GRIA4: variants seen among roughly 807,000 people sequenced by gnomAD.
GRIA4 encodes glutamate receptor 4.
Under a neutral mutation model 104.0 loss-of-function variants are expected in GRIA4, and 34 were observed. That is an observed-to-expected ratio of 0.33 (90% CI 0.25 to 0.44). The LOEUF (loss-of-function observed/expected upper bound fraction) is 0.44, where lower values mean the gene tolerates loss of function less well. Among genes scored for constraint, GRIA4 ranks in the 20% least tolerant of loss-of-function variants. GRIA4 has a pLI of 1.00. For synonymous variants in GRIA4, 386 were observed against 381.9 expected, an observed-to-expected ratio of 1.01 and a Z score of -0.13; for missense variants, 750 against 1,096.5, an observed-to-expected ratio of 0.68 and a Z score of 4.46.
At chr11:105,844,610 T>G (rs1484615969) in intron 4 of GRIA4, among the ~76,000 whole-genome samples, 1 of 152,238 alleles carries the variant, frequency 6.6e-6, no homozygotes, top group Non-Finnish European at 1.5e-5. Flanking sequence ...CTTTGTACAT[T>G]TTTAGGACTT....
intron 4 of GRIA4, among the ~76,000 whole-genome samples, chr11:105,835,365 A>T (rs1944137823): frequency 6.6e-6 from 1 of 152,022 alleles, no homozygotes; most frequent in Admixed American, 6.6e-5. Flanking sequence ...ACAAAGGTCG[A>T]AATCTGTGAA....
At chr11:105,786,913 G>A (rs1168469920) in intron 4 of GRIA4, among the ~76,000 whole-genome samples, 1 of 152,182 alleles carries the variant, frequency 6.6e-6, no homozygotes, top group Non-Finnish European at 1.5e-5. Context: ...CTCCTTCAGT[G>A]AGGAGGTAAA....
At chr11:105,759,106 T>C (rs1283591903) in intron 4 of GRIA4, among the ~76,000 whole-genome samples, 1 of 152,160 alleles carries the variant, frequency 6.6e-6, no homozygotes, top group African/African-American at 2.4e-5. Flanking sequence ...CTTTGTGTTT[T>C]ATATAAAGTA....
intron 14 of GRIA4, among the ~76,000 whole-genome samples, chr11:105,955,538 G>A (rs1480998796): frequency 1.3e-5 from 2 of 152,066 alleles, no homozygotes; most frequent in Non-Finnish European, 2.9e-5. Context: ...GGGCATATTG[G>A]TCGGTTCCAT....
At chr11:105,759,513 A>G (rs1397493420) in intron 4 of GRIA4, among the ~76,000 whole-genome samples, 1 of 152,166 alleles carries the variant, frequency 6.6e-6, no homozygotes, top group Non-Finnish European at 1.5e-5. Context: ...GAATGATTTC[A>G]TGACTTCTCA....
At chr11:105,806,657 T>C (rs546472565) in intron 4 of GRIA4, among the ~76,000 whole-genome samples, 1 of 151,850 alleles carries the variant, frequency 6.6e-6, no homozygotes, top group African/African-American at 2.4e-5. Flanking sequence ...TGAAATTTTG[T>C]ATATTGAATG....
At chr11:105,713,753 G>A (rs1376572991) in intron 3 of GRIA4, among the ~76,000 whole-genome samples, 6 of 152,250 alleles carry the variant, frequency 3.9e-5, no homozygotes, top group African/African-American at 1.4e-4. Flanking sequence ...CTAATTAACA[G>A]CACAAATATT....
At chr11:105,874,274 A>G (rs1326344946) in intron 5 of GRIA4, among the ~76,000 whole-genome samples, 1 of 152,142 alleles carries the variant, frequency 6.6e-6, no homozygotes, top group Non-Finnish European at 1.5e-5. Context: ...CCATTGGTCT[A>G]TATATCTGTT....
intron 5 of GRIA4, among the ~76,000 whole-genome samples, chr11:105,885,314 C>T (rs1946215684): frequency 6.6e-6 from 1 of 152,172 alleles, no homozygotes; most frequent in Non-Finnish European, 1.5e-5. Context: ...ATAAACCGAG[C>T]TTTCTCCACA....
chr11:105,970,678 T>G (rs567240220), intron 14 of GRIA4, among the ~76,000 whole-genome samples: 1 of 152,206 alleles, frequency 6.6e-6, no homozygotes, highest in South Asian at 2.1e-4. Context: ...ATGCATGTCT[T>G]GTAACTCCAG....
At chr11:105,711,900 C>T (rs904011795) in intron 3 of GRIA4, among the ~76,000 whole-genome samples, 3 of 151,990 alleles carry the variant, frequency 2.0e-5, no homozygotes, top group African/African-American at 4.8e-5. Context: ...CCTCTTTCAC[C>T]CTCTGGAAAT....
At chr11:105,902,794 G>C (rs1946906273) in intron 7 of GRIA4, among the ~76,000 whole-genome samples, 1 of 152,130 alleles carries the variant, frequency 6.6e-6, no homozygotes, top group Non-Finnish European at 1.5e-5. Context: ...AATTTCTAAA[G>C]GAGATAATGT....
At chr11:105,796,784 C>T (rs183053806) in intron 4 of GRIA4, among the ~76,000 whole-genome samples, 58 of 152,270 alleles carry the variant, frequency 3.8e-4, no homozygotes, top group Middle Eastern at 3.4e-3. Flanking sequence ...GAGCTACTGA[C>T]ACTTTTCTAA....
intron 3 of GRIA4, among the ~76,000 whole-genome samples, chr11:105,741,233 T>C (rs1052223230): frequency 2.0e-4 from 30 of 151,960 alleles, no homozygotes; most frequent in African/African-American, 6.3e-4. Flanking sequence ...TGGCAGAAAA[T>C]AGAGAAAAGG....
intron 3 of GRIA4, among the ~76,000 whole-genome samples, chr11:105,723,283 A>G (rs1937958290): frequency 6.6e-6 from 1 of 152,136 alleles, no homozygotes; most frequent in Admixed American, 6.6e-5. Context: ...ACATTATTTT[A>G]TTTAAAATGG....
At chr11:105,634,262 AC>A (rs1951117956) in intron 3 of GRIA4, among the ~76,000 whole-genome samples, 1 of 150,916 alleles carries the variant, frequency 6.6e-6, no homozygotes. Context: ...CAGGAGAATC[AC>A]TTGAACCTGG....
At chr11:105,816,312 C>T (rs1470945549) in intron 4 of GRIA4, among the ~76,000 whole-genome samples, 1 of 152,080 alleles carries the variant, frequency 6.6e-6, no homozygotes, top group Non-Finnish European at 1.5e-5. Context: ...GGAGGTAGGG[C>T]CTAGTGGGAG....
intron 4 of GRIA4, among the ~76,000 whole-genome samples, chr11:105,842,404 CA>C (rs1224653996): frequency 6.6e-6 from 1 of 151,806 alleles, no homozygotes; most frequent in Non-Finnish European, 1.5e-5. Flanking sequence ...GATCTCGGGC[CA>C]AAACAAGAAG....
At position 105,926,833 on chromosome 11, in the gene GRIA4, C is replaced by T. The variant is rs1439286427; in HGVS notation, c.1940C>T (p.Thr647Met). Residue 647 changes from threonine (T) to methionine (M), a missense_variant, in exon 13 of 17, where the codon ACG becomes ATG. Thr to Met is a moderately conservative substitution (Grantham distance 81). Around this residue, in one of 3 missense-constraint regions of GRIA4, gnomAD observed 272 missense variants for 524.5 expected, o/e 0.52. Transcript: ENST00000282499. ...ACTGCTAACCTCGCTGCTTTCCTGA[C>T]GGTTGAGCGAATGGTCTCTCCCATA... ...SYTANLAAFL[T>M]VERMVSPIES... 2.5e-6 allele frequency: 4 copies of T among 1,609,880 alleles called. No individual in the cohort carries two copies. The highest frequency in any genetic ancestry group is 3.4e-6 in the Non-Finnish European group (4 of 1,176,442).
Sources: gnomAD v4.1 joint callset for allele counts (sites outside exome capture counted in the v4.1 genomes callset) on GRCh38, gnomAD v4.1.1 for gene constraint, gnomAD v4.1.1 regional missense constraint, MANE v1.5 for transcripts, NCBI Gene and HGNC (gene_info 2026-07-23, HGNC 2026-07-21) for gene names.